Variants in NKD1 observed in about 807,000 individuals in gnomAD.
NKD1 encodes the protein NKD inhibitor of Wnt signaling pathway 1.
A neutral mutation model predicts 56.0 loss-of-function variants in NKD1; 21 were observed. The observed-to-expected ratio is 0.38, with a 90% confidence interval of 0.27 to 0.54. NKD1 has a LOEUF of 0.54. Among genes scored for constraint, NKD1 ranks in the 20% least tolerant of loss-of-function variants. NKD1 has a pLI of 0.82. For synonymous variants in NKD1, 263 were observed against 265.7 expected (o/e 0.99, Z 0.10); for missense variants, 578 against 642.7 (o/e 0.90, Z 1.09).
At chr16:50,627,477 C>T (rs529477476) in intron 6 of NKD1, among the ~76,000 whole-genome samples, 1 of 152,330 alleles carries the variant, frequency 6.6e-6, no homozygotes, top group East Asian at 1.9e-4. Context: ...CTTCCTCCCA[C>T]CGAGGAGCCA....
intron 3 of NKD1, chr16:50,571,646 C>A: frequency 4.7e-6 from 2 of 427,016 alleles, no homozygotes; most frequent in Non-Finnish European, 6.3e-6. Flanking sequence ...GCCAGATGGA[C>A]ACCTTTCGTC....
chr16:50,560,008 G>A (rs1322094391), intron 3 of NKD1, among the ~76,000 whole-genome samples: 2 of 152,308 alleles, frequency 1.3e-5, no homozygotes, highest in Non-Finnish European at 2.9e-5. Context: ...GAGTGGGTTT[G>A]GGGGTGCTGG....
rs1426011649 is a variant in NKD1 at position 50,599,584 on chromosome 16, TGGC to T, written c.193-8709_193-8707del. On this transcript the variant is annotated intron_variant, in intron 3 of 9. Transcript: ENST00000268459. The stretch of plus-strand genomic sequence containing the variant: ...CCCCTAACGTGCTTCATGGAACACT[TGGC>T]AGATGTCGCACACTGACTAAGACTG... Among the ~76,000 whole-genome samples, 4 of 152,346 alleles carry T rather than the reference TGGC, an allele frequency of 2.6e-5. No individual in the cohort carries two copies. In the South Asian group the frequency reaches 8.3e-4, roughly 32 times the overall value.
At chr16:50,596,347 T>G (rs1961471296) in intron 3 of NKD1, among the ~76,000 whole-genome samples, 1 of 151,928 alleles carries the variant, frequency 6.6e-6, no homozygotes, top group Non-Finnish European at 1.5e-5. Flanking sequence ...AGAACCAACT[T>G]GGGTGCCCAT....
chr16:50,567,231 C>G (rs1960780288), intron 3 of NKD1, among the ~76,000 whole-genome samples: 1 of 152,174 alleles, frequency 6.6e-6, no homozygotes, highest in African/African-American at 2.4e-5. Context: ...ATGCATATGG[C>G]CACTGAAGTG....
chr16:50,595,063 G>A (rs1320619607), intron 3 of NKD1, among the ~76,000 whole-genome samples: 2 of 152,194 alleles, frequency 1.3e-5, no homozygotes, highest in Non-Finnish European at 2.9e-5. Flanking sequence ...CCGTCCAAAG[G>A]TGGGCTTGTT....
rs755451934 is a variant in NKD1 at position 50,649,050 on chromosome 16, A to G, written c.*15269A>G. On this transcript the variant is annotated 3_prime_UTR_variant, in exon 10 of 10. Transcript: ENST00000268459. ...CCACTTTCACTTGCAGTCAAACCTG[A>G]ATTGTAAGTGAAATTGCTTTCCTGA... 1.1e-4 allele frequency: 17 copies of G among 152,192 alleles called. No individual in the cohort carries two copies. Among genetic ancestry groups the G allele is most frequent in the Non-Finnish European group, 1.3e-4 (9 of 68,032 alleles). The allele number at this position is 152,192 out of a possible 1,614,324, so 9.4% of individuals were successfully genotyped here. A position where few individuals can be genotyped will look rare whatever the true frequency, so the allele number is the denominator to read the frequency against.
At chr16:50,575,863 A>G (rs1313061601) in intron 3 of NKD1, among the ~76,000 whole-genome samples, 1 of 152,208 alleles carries the variant, frequency 6.6e-6, no homozygotes, top group Non-Finnish European at 1.5e-5. Context: ...ATATCTGGGT[A>G]CATCCCTCAT....
chr16:50,596,149 T>G (rs1430775653), intron 3 of NKD1, among the ~76,000 whole-genome samples: 1 of 152,152 alleles, frequency 6.6e-6, no homozygotes, highest in East Asian at 1.9e-4. Flanking sequence ...GGCTGTGGCC[T>G]CTTTGTGGCC....
At chr16:50,605,264 C>T (rs1053505942) in intron 3 of NKD1, among the ~76,000 whole-genome samples, 16 of 152,336 alleles carry the variant, frequency 1.1e-4, no homozygotes, top group Admixed American at 7.2e-4. Context: ...TGGTAGATGA[C>T]GGGTGACTGT....
At chr16:50,591,499 G>A (rs1961366884) in intron 3 of NKD1, among the ~76,000 whole-genome samples, 1 of 152,236 alleles carries the variant, frequency 6.6e-6, no homozygotes, top group African/African-American at 2.4e-5. Flanking sequence ...AACGGAGCCT[G>A]GGGCCTGGCT....
intron 3 of NKD1, among the ~76,000 whole-genome samples, chr16:50,562,979 C>CG (rs1960668079): frequency 2.5e-5 from 3 of 119,114 alleles, no homozygotes; most frequent in African/African-American, 1.2e-4. Flanking sequence ...TGCTAGGTCC[C>CG]ACCACCACCC....
At position 50,623,335 on chromosome 16, in the gene NKD1, G is replaced by A. The variant is rs561253223; in HGVS notation, c.366+1627G>A. 2.6e-4 allele frequency among the ~76,000 whole-genome samples: 39 copies of A among 152,268 alleles called. No homozygotes were observed. The highest frequency in any genetic ancestry group is 8.7e-4 in the African/African-American group (36 of 41,572). The stretch of plus-strand genomic sequence containing the variant: ...CACAGGAGCACTCCAGCCTCCAAGA[G>A]GCTTGAAGGCTCGCCTGAGGAGGAT... On this transcript the variant is annotated intron_variant, in intron 5 of 9. Transcript: ENST00000268459. This position sits in a 1 kb window ranked among gnomAD's most constrained non-coding sequence, Gnocchi z 4.1.
chr16:50,593,256 G>T (rs1961406733), intron 3 of NKD1, among the ~76,000 whole-genome samples: 1 of 152,184 alleles, frequency 6.6e-6, no homozygotes, highest in African/African-American at 2.4e-5. Flanking sequence ...CTTATGAGGA[G>T]AATAAGCTCA....
rs1962533876 is a variant in NKD1, at chr16:50,639,339, A to G, written c.*5558A>G. On this transcript the variant is annotated 3_prime_UTR_variant, in exon 10 of 10. Transcript: ENST00000268459. ...CAGGCCCACCCCCAGAGATGAGCTG[A>G]GGTGGGTCAGGGGTGAAGTGCAGGG... The G allele has an allele frequency of 6.6e-6, 1 of 152,134 alleles. No individual in the cohort carries two copies. The highest frequency in any genetic ancestry group is 1.5e-5 in the Non-Finnish European group (1 of 68,038). The allele number at this position is 152,134 out of a possible 1,614,324, so 9.4% of individuals were successfully genotyped here. A position where few individuals can be genotyped will look rare whatever the true frequency, so the allele number is the denominator to read the frequency against.
At position 50,632,478 on chromosome 16, in the gene NKD1, G is replaced by A; in HGVS notation, c.823+70G>A. 1.3e-6 allele frequency: 2 copies of A among 1,536,170 alleles called. No homozygotes were observed. Among genetic ancestry groups the A allele is most frequent in the Non-Finnish European group, 1.8e-6 (2 of 1,113,148 alleles). ...TGGCTGGACGGGCCAGGCGGGCCGT[G>A]CGGGTGGTGTTCACTGCTACCCCAG... On this transcript the variant is annotated intron_variant, in intron 9 of 9. Coordinates refer to ENST00000268459, the MANE Select transcript of NKD1 (RefSeq NM_033119.5). This position sits in a 1 kb window ranked among gnomAD's most constrained non-coding sequence, Gnocchi z 4.1.
Position 50,645,242 on chromosome 16 carries a change from A to G in NKD1, c.*11461A>G, listed in dbSNP as rs1172302023. 6.6e-6 allele frequency: 1 copy of G among 152,252 alleles called. No homozygotes were observed. Among genetic ancestry groups the G allele is most frequent in the African/African-American group, 2.4e-5 (1 of 41,420 alleles). The allele number at this position is 152,252 out of a possible 1,614,324, so 9.4% of individuals were successfully genotyped here. On this transcript the variant is annotated 3_prime_UTR_variant, in exon 10 of 10. Transcript: ENST00000268459. ...GGGGGACTGCTTCCACCCAGAAACG[A>G]CATTTTTATCCACTGCGATAACTTC...
rs1485083673 is a variant in NKD1 at position 50,598,429 on chromosome 16, G to A, written c.193-9865G>A. Reference sequence around the variant, plus strand: ...GAGCAAGAAATTCCAGGCTTCTTGGGTCCCCAAGCCCCTTCCCTGGGCAGG... The same window carrying A: ...GAGCAAGAAATTCCAGGCTTCTTGGATCCCCAAGCCCCTTCCCTGGGCAGG... On this transcript the variant is annotated intron_variant, in intron 3 of 9. Coordinates refer to ENST00000268459, the MANE Select transcript of NKD1 (RefSeq NM_033119.5). The surrounding 1 kb of genome is among the most constrained non-coding windows in gnomAD (Gnocchi z 4.2). Among the ~76,000 whole-genome samples the A allele has an allele frequency of 6.6e-6, 1 of 152,138 alleles. No individual in the cohort carries two copies. Among genetic ancestry groups the A allele is most frequent in the Non-Finnish European group, 1.5e-5 (1 of 68,014 alleles).
intron 4 of NKD1, among the ~76,000 whole-genome samples, chr16:50,612,453 G>A (rs1447807336): frequency 6.6e-6 from 1 of 152,256 alleles, no homozygotes; most frequent in African/African-American, 2.4e-5. Context: ...GCTCTGCTGG[G>A]CCCTGGGTTC....
Sources: allele counts gnomAD v4.1 joint callset (sites outside exome capture counted in the v4.1 genomes callset), GRCh38; gene constraint gnomAD v4.1.1; non-coding constraint Gnocchi (gnomAD v3.1); transcripts MANE v1.5; gene names NCBI Gene and HGNC (gene_info 2026-07-23, HGNC 2026-07-21).